The following MBD3L1 variants were observed in gnomAD, a reference collection of about 807,000 sequenced individuals.
MBD3L1 encodes the protein methyl-CpG-binding domain protein 3-like 1.
For missense variants in MBD3L1, 203 were observed against 230.1 expected, an observed-to-expected ratio of 0.88 and a Z score of 0.76; for synonymous variants, 84 against 85.1, an observed-to-expected ratio of 0.99 and a Z score of 0.07.
chr19:8,835,356 A>C (rs745697023), intron 1 of MBD3L1, among the ~76,000 whole-genome samples: 8 of 152,264 alleles, frequency 5.3e-5, no homozygotes, highest in African/African-American at 1.9e-4. Flanking sequence ...CCAGCCTGAA[A>C]AATGAACAAA....
At chr19:8,837,191 G>C (rs961401178) in intron 1 of MBD3L1, among the ~76,000 whole-genome samples, 1 of 152,180 alleles carries the variant, frequency 6.6e-6, no homozygotes, top group Non-Finnish European at 1.5e-5. Flanking sequence ...TATACCCAAA[G>C]CTGTACGAAT....
chr19:8,842,056 G>A (rs983227985), intron 2 of MBD3L1, among the ~76,000 whole-genome samples: 15 of 152,080 alleles, frequency 9.9e-5, no homozygotes, highest in African/African-American at 3.4e-4. Flanking sequence ...GGCTGGGCAC[G>A]GTCGCCCATG....
intron 1 of MBD3L1, among the ~76,000 whole-genome samples, chr19:8,834,611 A>T (rs1265068266): frequency 6.6e-6 from 1 of 151,574 alleles, no homozygotes; most frequent in African/African-American, 2.4e-5. Context: ...CATCAAAAAA[A>T]AAAAACAAAC....
chr19:8,833,995 AAAAC>A (rs2044423054), intron 1 of MBD3L1, among the ~76,000 whole-genome samples: 1 of 105,006 alleles, frequency 9.5e-6, no homozygotes. Flanking sequence ...CTCAAAAAAC[AAAAC>A]AAAACAAAAA....
intron 1 of MBD3L1, among the ~76,000 whole-genome samples, chr19:8,835,591 T>TG (rs2044446918): frequency 6.6e-6 from 1 of 152,202 alleles, no homozygotes; most frequent in East Asian, 1.9e-4. Flanking sequence ...GATTGTAAAA[T>TG]GGTGCACCCA....
rs907935972 is a variant in MBD3L1 at position 8,840,799 on chromosome 19, G to A, written c.-106-116G>A. ...GGAAAATCAAGGAGTAAACATGACA[G>A]TGCATACACAGAAAATAAAGTTTCT... On this transcript the variant is annotated intron_variant, in intron 1 of 2. Transcript: ENST00000595891. 7 of 152,182 alleles carry A rather than the reference G, an allele frequency of 4.6e-5. No individual in the cohort carries two copies. In the East Asian group the frequency reaches 9.6e-4, roughly 21 times the overall value. 9.4% of individuals were successfully genotyped at this position (152,182 alleles called of 1,614,324 possible).
intron 1 of MBD3L1, among the ~76,000 whole-genome samples, chr19:8,837,660 A>G (rs939267066): frequency 2.6e-5 from 4 of 152,204 alleles, no homozygotes; most frequent in Non-Finnish European, 5.9e-5. Context: ...CACTGGCCTC[A>G]TGGACAAGAC....
chr19:8,833,690 AG>A (rs2044415913), intron 1 of MBD3L1: 1 of 152,246 alleles, frequency 6.6e-6, no homozygotes, highest in African/African-American at 2.4e-5. Flanking sequence ...TTGGTGCGTT[AG>A]ATACCACTAA....
intron 1 of MBD3L1, among the ~76,000 whole-genome samples, chr19:8,834,547 G>A (rs1224298461): frequency 2.7e-5 from 4 of 150,314 alleles, no homozygotes; most frequent in Admixed American, 2.0e-4. Context: ...GGTGGAGATT[G>A]CAGTGAGCCG....
intron 1 of MBD3L1, among the ~76,000 whole-genome samples, chr19:8,833,709 T>C (rs1411923262): frequency 1.3e-5 from 2 of 152,152 alleles, no homozygotes; most frequent in South Asian, 2.1e-4. Context: ...TAAGTGCTGG[T>C]TGGACCTGGT....
intron 2 of MBD3L1, among the ~76,000 whole-genome samples, chr19:8,841,671 C>T (rs1276381632): frequency 6.6e-6 from 1 of 152,142 alleles, no homozygotes; most frequent in Non-Finnish European, 1.5e-5. Context: ...ATTCTCCTGC[C>T]TCAGCCTCCC....
At chr19:8,838,655 T>A (rs2044479923) in intron 1 of MBD3L1, among the ~76,000 whole-genome samples, 1 of 152,154 alleles carries the variant, frequency 6.6e-6, no homozygotes, top group Non-Finnish European at 1.5e-5. Context: ...ATTGAGACGT[T>A]TTAGGTGCGA....
intron 1 of MBD3L1, among the ~76,000 whole-genome samples, chr19:8,840,492 T>C (rs1249990887): frequency 6.6e-6 from 1 of 152,120 alleles, no homozygotes; most frequent in Admixed American, 6.5e-5. Flanking sequence ...TTAGTAGAGA[T>C]GGGGGTCCCC....
In MBD3L1 at chr19:8,842,051, G is replaced by A. The variant is rs539365239; in HGVS notation, c.-21-607G>A. Among the ~76,000 whole-genome samples, 355 of 152,198 alleles carry A rather than the reference G, an allele frequency of 2.3e-3. 1 individual carries two copies. Among genetic ancestry groups the A allele is most frequent in the African/African-American group, 6.8e-3 (282 of 41,514 alleles). ...CATAAGAATGGCAGGATTTGGGCTG[G>A]GCACGGTCGCCCATGCCTGTAATCC... On this transcript the variant is annotated intron_variant, in intron 2 of 2. Coordinates refer to ENST00000595891, the MANE Select transcript of MBD3L1 (RefSeq NM_001393532.1).
chr19:8,833,417 T>A (rs967631421), intron 1 of MBD3L1: 8 of 152,260 alleles, frequency 5.3e-5, no homozygotes, highest in African/African-American at 1.9e-4. Flanking sequence ...CTTTCAGTTC[T>A]TTTGCTCAGA....
chr19:8,833,776 G>A (rs929297902), intron 1 of MBD3L1, among the ~76,000 whole-genome samples: 1 of 152,118 alleles, frequency 6.6e-6, no homozygotes, highest in Admixed American at 6.6e-5. Flanking sequence ...ATCACCTGAG[G>A]TCAGGAGTTC....
In MBD3L1 at chr19:8,843,244, G is replaced by C. The variant is rs867192520; in HGVS notation, c.566G>C (p.Gly189Ala). 11 of 1,591,028 alleles carry C rather than the reference G, an allele frequency of 6.9e-6. No homozygotes were observed. In the Middle Eastern group the frequency reaches 8.4e-4, roughly 122 times the overall value. The change falls in exon 3 of 3, where the codon GGC (glycine) becomes GCC (alanine). Residue 189 changes from glycine (G) to alanine (A), a missense_variant. By Grantham distance (60) the Gly-to-Ala change is moderately conservative. Transcript: ENST00000595891. ...GCAGAGAAAGTGAGAGACCAAGAAG[G>C]CCGTCCTGAAAAACGCTAAGAAAAA... ...NEAEKVRDQEGRPEKR is the reference protein window; with the variant it reads ...NEAEKVRDQEARPEKR
At chr19:8,837,393 T>C (rs1050459145) in intron 1 of MBD3L1, among the ~76,000 whole-genome samples, 4 of 152,236 alleles carry the variant, frequency 2.6e-5, no homozygotes, top group Non-Finnish European at 4.4e-5. Flanking sequence ...AATGTACATT[T>C]AGTTATATTA....
intron 1 of MBD3L1, among the ~76,000 whole-genome samples, 194 bp from the exon 2 acceptor site, chr19:8,840,721 A>C (rs1395915023): frequency 6.6e-6 from 1 of 152,256 alleles, no homozygotes; most frequent in Non-Finnish European, 1.5e-5. Context: ...AAGGAGAATT[A>C]AATATCTATG....
Sources: gnomAD v4.1 joint callset for allele counts (sites outside exome capture counted in the v4.1 genomes callset) on GRCh38, gnomAD v4.1.1 for gene constraint, MANE v1.5 for transcripts, NCBI Gene and HGNC (gene_info 2026-07-23, HGNC 2026-07-21) for gene names.